The following RNMT variants were observed in gnomAD, a reference collection of about 807,000 sequenced individuals.
The protein encoded by RNMT is RNA guanine-7 methyltransferase, also known as mRNA cap guanine-N(7) methyltransferase.
RNMT carries 27 observed loss-of-function variants against 56.0 expected under a neutral mutation model. The ratio of observed to expected loss-of-function variants is 0.48; its 90% confidence interval spans 0.36 to 0.67. The LOEUF (loss-of-function observed/expected upper bound fraction) is 0.67, where lower values mean the gene tolerates loss of function less well. Among genes scored for constraint, RNMT ranks in the 30% least tolerant of loss-of-function variants. RNMT has a pLI of 0.00. For synonymous variants in RNMT, 184 were observed against 176.2 expected, an observed-to-expected ratio of 1.04 and a Z score of -0.35; for missense variants, 519 against 552.1, an observed-to-expected ratio of 0.94 and a Z score of 0.60.
rs987453120 is a variant in RNMT, at chr18:13,752,383, C to T, written c.1315C>T (p.His439Tyr). 14 of 1,613,014 alleles carry T rather than the reference C, an allele frequency of 8.7e-6. No homozygotes were observed. Among genetic ancestry groups the T allele is most frequent in the Non-Finnish European group, 1.2e-5 (14 of 1,179,188 alleles). The change falls in exon 10 of 12, where the codon CAT (histidine) becomes TAT (tyrosine). Residue 439 changes from histidine (H) to tyrosine (Y), a missense_variant. His to Tyr is a moderately conservative substitution (Grantham distance 83). Transcript: ENST00000383314. ...LVSEKVDDYE[H>Y]AAKYMKNSQV... ...CTCTGAGAAGGTGGATGACTATGAA[C>T]ATGCAGCAAAGTACATGAAGAACAG...
At chr18:13,739,690 G>T (rs988935840) in intron 5 of RNMT, among the ~76,000 whole-genome samples, 2 of 152,132 alleles carry the variant, frequency 1.3e-5, no homozygotes, top group African/African-American at 4.8e-5. Flanking sequence ...GGAGGCTGAG[G>T]TATGAGAATC....
intron 1 of RNMT, among the ~76,000 whole-genome samples, chr18:13,728,313 TTTTTTTTTTTTTTTTTTTGTGTGTGTGTG>T (rs2149078042): frequency 7.9e-5 from 1 of 12,670 alleles, no homozygotes; most frequent in East Asian, 6.1e-3. Context: ...TTTTTTTTTT[TTTTTTTTTTTTTTTTTTTGTGTGTGTGTG>T]TGTGTGTGTG....
In RNMT at chr18:13,760,025, A is replaced by G; in HGVS notation, c.*46A>G. 3.1e-6 allele frequency: 5 copies of G among 1,599,462 alleles called. No homozygotes were observed. Among genetic ancestry groups the G allele is most frequent in the Non-Finnish European group, 4.3e-6 (5 of 1,173,226 alleles). ...GAGGGGCCGTGTTCTGTCCTGCACA[A>G]ATTTGAACAACTCATCTCGATATAT... On this transcript the variant is annotated 3_prime_UTR_variant, in exon 12 of 12. Coordinates refer to ENST00000383314, the MANE Select transcript of RNMT (RefSeq NM_003799.3).
chr18:13,756,522 C>T (rs896998891), intron 11 of RNMT, among the ~76,000 whole-genome samples: 1 of 152,090 alleles, frequency 6.6e-6, no homozygotes, highest in African/African-American at 2.4e-5. Flanking sequence ...ACATGCTGTG[C>T]ACGCTGATGT....
In RNMT at chr18:13,752,331, T is replaced by C; in HGVS notation, c.1263T>C (p.Tyr421=). ...ACTTTCATTTCTTTCCCCAGCCATA[T>C]CCTGCAAATGAGAGTTCTAAACTTG... ...LLKRMQALEP[Y]PANESSKLVS... Residue 421 remains tyrosine (Y), a synonymous_variant, in exon 10 of 12, where the codon TAT becomes TAC. Transcript: ENST00000383314. The C allele has an allele frequency of 6.2e-7, 1 of 1,606,098 alleles. No individual in the cohort carries two copies. The highest frequency in any genetic ancestry group is 8.5e-7 in the Non-Finnish European group (1 of 1,172,952).
chr18:13,735,203 T>G (rs1405409376), intron 4 of RNMT, among the ~76,000 whole-genome samples: 1 of 152,178 alleles, frequency 6.6e-6, no homozygotes, highest in Non-Finnish European at 1.5e-5. Flanking sequence ...TGTTTTAAAA[T>G]TTTTCATAAT....
chr18:13,731,094 A>C (rs936595924), intron 2 of RNMT, among the ~76,000 whole-genome samples: 13 of 152,212 alleles, frequency 8.5e-5, no homozygotes, highest in African/African-American at 3.1e-4. Flanking sequence ...TTAAACTCCT[A>C]GTTGATCAAA....
At chr18:13,732,642 T>C (rs1265388063) in intron 3 of RNMT, among the ~76,000 whole-genome samples, 1 of 151,724 alleles carries the variant, frequency 6.6e-6, no homozygotes, top group Admixed American at 6.6e-5. Context: ...CTTTAATGAG[T>C]AAATAAAATT....
intron 11 of RNMT, among the ~76,000 whole-genome samples, chr18:13,755,107 CATT>C (rs550590195): frequency 5.9e-5 from 9 of 152,292 alleles, no homozygotes; most frequent in Middle Eastern, 3.4e-3. Flanking sequence ...ATTTGATAAA[CATT>C]ATTGATTTAC....
intron 9 of RNMT, among the ~76,000 whole-genome samples, chr18:13,749,333 T>G (rs1190551985): frequency 6.6e-6 from 1 of 152,226 alleles, no homozygotes. Flanking sequence ...AACTGATTGG[T>G]AATCTGTTCT....
rs141701841 is a variant in RNMT at position 13,731,651 on chromosome 18, A to C, written c.134A>C (p.Glu45Ala). The C allele has an allele frequency of 6.2e-7, 1 of 1,614,146 alleles. No homozygotes were observed. Among genetic ancestry groups the C allele is most frequent in the African/African-American group, 1.3e-5 (1 of 75,060 alleles). Residue 45 changes from glutamate (E) to alanine (A), a missense_variant, in exon 3 of 12, where the codon GAA becomes GCA. Glu to Ala is a moderately radical substitution (Grantham distance 107, BLOSUM62 -1). Coordinates refer to ENST00000383314, the MANE Select transcript of RNMT (RefSeq NM_003799.3). ...ACAGCTTCTGGGACTGGGCTTTCTG[A>C]AAAGACTTCTGTCTGTAGGCAAGTA... is the stretch of plus-strand genomic sequence containing the variant. ...NTTASGTGLS[E>A]KTSVCRQVDI...
chr18:13,742,046 T>C (rs2044259831), intron 7 of RNMT, among the ~76,000 whole-genome samples: 1 of 152,232 alleles, frequency 6.6e-6, no homozygotes, highest in African/African-American at 2.4e-5. Flanking sequence ...TTCTTAAAAG[T>C]AGCTCAAATC....
rs1240309617 is a variant in RNMT, at chr18:13,760,060, CTCTG to C, written c.*87_*90del. 7.1e-6 allele frequency: 11 copies of C among 1,548,448 alleles called. No individual in the cohort carries two copies. The Admixed American group carries it at 1.5e-4, about 21-fold the overall frequency. ...ACTCATCTCGATATATTTGATATTT[CTCTG>C]TCTGTTGATTTTAATTCTAAATGTG... On this transcript the variant is annotated 3_prime_UTR_variant, in exon 12 of 12. Transcript: ENST00000383314.
Position 13,726,729 on chromosome 18 carries a change from G to A in RNMT, c.-172G>A, listed in dbSNP as rs894304724. On this transcript the variant is annotated splice_region_variant and 5_prime_UTR_variant, in exon 1 of 12. Coordinates refer to ENST00000383314, the MANE Select transcript of RNMT (RefSeq NM_003799.3). The stretch of plus-strand genomic sequence containing the variant: ...AAACAGAATCGCGTTTGGCTGTGCT[G>A]GTGAGTGTGACGGCTGGAACTCCGG... 6.6e-6 allele frequency: 1 copy of A among 152,434 alleles called. No individual in the cohort carries two copies. Among genetic ancestry groups the A allele is most frequent in the African/African-American group, 2.4e-5 (1 of 41,466 alleles). 9.4% of individuals were successfully genotyped at this position (152,434 alleles called of 1,614,324 possible). A position where few individuals can be genotyped will look rare whatever the true frequency, so the allele number is the denominator to read the frequency against.
At chr18:13,755,297 G>A (rs1444338758) in intron 11 of RNMT, among the ~76,000 whole-genome samples, 1 of 152,226 alleles carries the variant, frequency 6.6e-6, no homozygotes, top group East Asian at 1.9e-4. Context: ...CTAAACTAAT[G>A]ACATCTGGGA....
chr18:13,752,635 T>G (rs1387747523), intron 10 of RNMT, among the ~76,000 whole-genome samples: 1 of 152,168 alleles, frequency 6.6e-6, no homozygotes, highest in African/African-American at 2.4e-5. Context: ...GTGCTATATC[T>G]AAGGCAATGA....
intron 1 of RNMT, among the ~76,000 whole-genome samples, chr18:13,728,849 G>A (rs1349587889): frequency 6.6e-6 from 1 of 151,552 alleles, no homozygotes; most frequent in East Asian, 1.9e-4. Context: ...TTTTGCTATT[G>A]AGTTGAGTTT....
chr18:13,743,349 T>A (rs865843752), intron 8 of RNMT, among the ~76,000 whole-genome samples: 1,654 of 144,766 alleles, frequency 0.011, 49 homozygotes, highest in African/African-American at 0.02. Context: ...AATAAATAAA[T>A]AAATAAATAA....
chr18:13,759,388 G>T lies in RNMT; in HGVS notation c.1394-554G>T, dbSNP rs561105509. ...TTATTTCAGGGAGAGAGCTCTTGGG[G>T]CTAATACATGTAGAAATAGAAATAA... On this transcript the variant is annotated intron_variant, in intron 11 of 11. Coordinates refer to ENST00000383314, the MANE Select transcript of RNMT (RefSeq NM_003799.3). 9.2e-5 allele frequency among the ~76,000 whole-genome samples: 14 copies of T among 152,262 alleles called. No individual in the cohort carries two copies. In the South Asian group the frequency reaches 2.3e-3, roughly 25 times the overall value.
Sources: gnomAD v4.1 joint callset for allele counts (sites outside exome capture counted in the v4.1 genomes callset) on GRCh38, gnomAD v4.1.1 for gene constraint, MANE v1.5 for transcripts, NCBI Gene and HGNC (gene_info 2026-07-23, HGNC 2026-07-21) for gene names.